Variants in SPNS3 observed in about 807,000 individuals in gnomAD.
SPNS3 encodes the protein SPNS lysolipid transporter 3, sphingosine-1-phosphate (putative), also known as protein spinster homolog 3.
Under a neutral mutation model 54.4 loss-of-function variants are expected in SPNS3, and 51 were observed. That is an observed-to-expected ratio of 0.94 (90% CI 0.75 to 1.18). The LOEUF (loss-of-function observed/expected upper bound fraction) is 1.18, where lower values mean the gene tolerates loss of function less well. SPNS3 is among the 50% of genes most tolerant of loss of function. SPNS3 has a pLI of 0.00. For missense variants in SPNS3, 669 were observed against 677.4 expected, an observed-to-expected ratio of 0.99 and a Z score of 0.14; for synonymous variants, 309 against 294.7, an observed-to-expected ratio of 1.05 and a Z score of -0.50.
chr17:4,444,995 TG>T lies in SPNS3; in HGVS notation c.266-31del, dbSNP rs777238310. 6.2e-6 allele frequency: 10 copies of T among 1,600,524 alleles called. No individual in the cohort carries two copies. The African/African-American group carries it at 1.1e-4, about 17-fold the overall frequency. On this transcript the variant is annotated intron_variant, in intron 2 of 11. Transcript: ENST00000355530. ...TGGGCCATCTGCCCTGCCACGGTCG[TG>T]GGGGGATCCAGGCTGCCCCTGTGTG... is the stretch of plus-strand genomic sequence containing the variant.
chr17:4,473,864 C>T (rs1971920933), intron 8 of SPNS3, among the ~76,000 whole-genome samples: 1 of 152,160 alleles, frequency 6.6e-6, no homozygotes, highest in Admixed American at 6.5e-5. Context: ...GGGATCTGCT[C>T]TGTGGCCCCT....
intron 1 of SPNS3, among the ~76,000 whole-genome samples, chr17:4,436,031 G>T (rs943393124): frequency 6.6e-6 from 1 of 152,182 alleles, no homozygotes; most frequent in Non-Finnish European, 1.5e-5. Context: ...CTAACTGTGG[G>T]CAGGACCCCC....
At chr17:4,463,415 A>G (rs1467573466) in intron 8 of SPNS3, among the ~76,000 whole-genome samples, 1 of 149,802 alleles carries the variant, frequency 6.7e-6, no homozygotes, top group Non-Finnish European at 1.5e-5. Context: ...AAAAAAACAA[A>G]ACAAAACAAA....
chr17:4,442,882 C>T (rs1457455830), intron 2 of SPNS3, among the ~76,000 whole-genome samples: 2 of 152,058 alleles, frequency 1.3e-5, no homozygotes, highest in Non-Finnish European at 2.9e-5. Context: ...GCATTCATTT[C>T]ACCCACTGTG....
chr17:4,446,649 A>C, intron 4 of SPNS3: 1 of 579,856 alleles, frequency 1.7e-6, no homozygotes, highest in Non-Finnish European at 3.1e-6. Flanking sequence ...GGTGTAGGGT[A>C]TGTGTTTCCA....
At chr17:4,468,157 C>T (rs917647274) in intron 8 of SPNS3, among the ~76,000 whole-genome samples, 1 of 152,114 alleles carries the variant, frequency 6.6e-6, no homozygotes, top group African/African-American at 2.4e-5. Flanking sequence ...TGAAAGAGGA[C>T]AGGCTGGGCG....
At position 4,453,002 on chromosome 17, in the gene SPNS3, C is replaced by T; in HGVS notation, c.924-14C>T. Reference sequence around the variant, plus strand: ...CACCCAGCTGACCAACCCTTCTGTGCTCTTCCCCATCAGCCTGATTTTTGG... The same window carrying T: ...CACCCAGCTGACCAACCCTTCTGTGTTCTTCCCCATCAGCCTGATTTTTGG... On this transcript the variant is annotated splice_polypyrimidine_tract_variant and intron_variant, in intron 7 of 11. Transcript: ENST00000355530. 6.2e-7 allele frequency: 1 copy of T among 1,609,884 alleles called. No individual in the cohort carries two copies. Among genetic ancestry groups the T allele is most frequent in the Non-Finnish European group, 8.5e-7 (1 of 1,177,534 alleles).
intron 8 of SPNS3, among the ~76,000 whole-genome samples, chr17:4,462,139 AT>A (rs1971525206): frequency 1.4e-3 from 2 of 1,446 alleles, no homozygotes; most frequent in African/African-American, 4.9e-3. Context: ...CCATCCATCC[AT>A]CCATCCATCC....
chr17:4,485,896 A>C (rs1972299841), intron 9 of SPNS3, among the ~76,000 whole-genome samples: 1 of 152,220 alleles, frequency 6.6e-6, no homozygotes, highest in African/African-American at 2.4e-5. Context: ...GTGCTGCTGC[A>C]TCCTGGGCCC....
intron 9 of SPNS3, among the ~76,000 whole-genome samples, chr17:4,478,929 C>T (rs919685765): frequency 2.6e-5 from 4 of 152,156 alleles, no homozygotes; most frequent in Middle Eastern, 3.2e-3. Flanking sequence ...TTTTGACTCC[C>T]TGGGCTACTT....
chr17:4,434,777 G>C (rs927865123), intron 1 of SPNS3, among the ~76,000 whole-genome samples: 1 of 150,412 alleles, frequency 6.6e-6, no homozygotes, highest in Non-Finnish European at 1.5e-5. Flanking sequence ...CAAAGTGCTG[G>C]GATTACAGGC....
chr17:4,453,173 G>T lies in SPNS3; in HGVS notation c.1081G>T (p.Val361Phe), dbSNP rs772101349. Residue 361 changes from valine to phenylalanine, a missense_variant, in exon 8 of 12, where the codon GTC (valine) becomes TTC (phenylalanine). Transcript: ENST00000355530. Reference sequence around the variant, plus strand: ...AGCCCCCTGCCTCTACCTGGCTCTCGTCCTGGCCCCGACCACCCTGCTGGC... The same window carrying T: ...AGCCCCCTGCCTCTACCTGGCTCTCTTCCTGGCCCCGACCACCCTGCTGGC... ...ATAPCLYLAL[V>F]LAPTTLLASY... 2.2e-5 allele frequency: 35 copies of T among 1,613,522 alleles called. No homozygotes were observed. The highest frequency in any genetic ancestry group is 8.3e-5 in the Admixed American group (5 of 59,972).
intron 8 of SPNS3, among the ~76,000 whole-genome samples, chr17:4,476,149 G>A (rs571352708): frequency 3.3e-5 from 5 of 152,322 alleles, no homozygotes; most frequent in South Asian, 2.1e-4. Context: ...CCGCTGCCCC[G>A]GGAGACTGTA....
Position 4,436,975 on chromosome 17 carries a change from C to G in SPNS3, c.200-2683C>G, listed in dbSNP as rs527540907. On this transcript the variant is annotated intron_variant, in intron 1 of 11. Transcript: ENST00000355530. Reference sequence around the variant, plus strand: ...TCTCTGCCGCTAGCCCTGGAGGTCCCTGGCTGGGCCCTAAGACCCTGAGTC... The same window carrying G: ...TCTCTGCCGCTAGCCCTGGAGGTCCGTGGCTGGGCCCTAAGACCCTGAGTC... 4.6e-5 allele frequency among the ~76,000 whole-genome samples: 7 copies of G among 152,316 alleles called. No homozygotes were observed. The South Asian group carries it at 8.3e-4, about 18-fold the overall frequency.
At chr17:4,455,459 G>T (rs988003861) in intron 8 of SPNS3, among the ~76,000 whole-genome samples, 2 of 152,210 alleles carry the variant, frequency 1.3e-5, no homozygotes, top group Non-Finnish European at 2.9e-5. Context: ...GCCCAGAGGC[G>T]GGGTGTGGGG....
At chr17:4,469,620 CAAAAAAA>C (rs551056606) in intron 8 of SPNS3, among the ~76,000 whole-genome samples, 5 of 66,866 alleles carry the variant, frequency 7.5e-5, no homozygotes, top group Non-Finnish European at 1.2e-4. Context: ...GACTCCATCT[CAAAAAAA>C]AAAAAAAAAA....
chr17:4,446,538 A>C (rs904155972), intron 4 of SPNS3: 6 of 506,090 alleles, frequency 1.2e-5, no homozygotes, highest in Non-Finnish European at 2.2e-5. Context: ...TGCACCCCAC[A>C]ACAGGCTAGG....
At chr17:4,481,636 C>T (rs1232773324) in intron 9 of SPNS3, among the ~76,000 whole-genome samples, 2 of 152,306 alleles carry the variant, frequency 1.3e-5, no homozygotes, top group African/African-American at 4.8e-5. Flanking sequence ...GAGGACTCTG[C>T]AGCAGCCCAT....
In SPNS3 at chr17:4,441,838, C is replaced by A. The variant is rs555318619; in HGVS notation, c.265+2115C>A. 9.9e-5 allele frequency among the ~76,000 whole-genome samples: 15 copies of A among 152,014 alleles called. No individual in the cohort carries two copies. In the South Asian group the frequency reaches 2.9e-3, roughly 29 times the overall value. ...CCATGTTGGCCAGGCTGGTCTCGAA[C>A]TCCTGACCTCAAGTGGTCCACCAGC... On this transcript the variant is annotated intron_variant, in intron 2 of 11. Coordinates refer to ENST00000355530, the MANE Select transcript of SPNS3 (RefSeq NM_182538.5).
Sources: gnomAD v4.1 joint callset for allele counts (sites outside exome capture counted in the v4.1 genomes callset) on GRCh38, gnomAD v4.1.1 for gene constraint, MANE v1.5 for transcripts, NCBI Gene and HGNC (gene_info 2026-07-23, HGNC 2026-07-21) for gene names.